HSF5: variants seen among roughly 807,000 people sequenced by gnomAD.
The protein encoded by HSF5 is heat shock transcription factor 5.
Under a neutral mutation model 50.8 loss-of-function variants are expected in HSF5, and 5 were observed. That is an observed-to-expected ratio of 0.10 (90% CI 0.05 to 0.21). The LOEUF (loss-of-function observed/expected upper bound fraction) is 0.21, where lower values mean the gene tolerates loss of function less well. HSF5 is among the 10% of genes least tolerant of loss of function. The pLI is 1.00. For synonymous variants in HSF5, 307 were observed against 307.4 expected, an observed-to-expected ratio of 1.00 and a Z score of 0.02; for missense variants, 564 against 762.6, an observed-to-expected ratio of 0.74 and a Z score of 3.07.
At chr17:58,438,476 C>A (rs1032652353) in intron 5 of HSF5, among the ~76,000 whole-genome samples, 1 of 152,036 alleles carries the variant, frequency 6.6e-6, no homozygotes, top group Non-Finnish European at 1.5e-5. Flanking sequence ...AGTCAGGCAG[C>A]ACATGGTTAG....
chr17:58,422,905 A>G (rs945873778), intron 5 of HSF5, among the ~76,000 whole-genome samples: 12 of 152,108 alleles, frequency 7.9e-5, no homozygotes, highest in Non-Finnish European at 1.3e-4. Flanking sequence ...CATGTTGGCC[A>G]GGCTGGTCTC....
intron 2 of HSF5, 127 bp downstream of exon 2, chr17:58,479,766 A>G: frequency 1.3e-6 from 1 of 777,358 alleles, no homozygotes; most frequent in Non-Finnish European, 2.0e-6. Context: ...AATCTTTGCC[A>G]TTTCTTAGGT....
intron 2 of HSF5, 103 bp downstream of exon 2, chr17:58,479,790 G>T: frequency 9.9e-7 from 1 of 1,005,694 alleles, no homozygotes; most frequent in Non-Finnish European, 1.4e-6. Context: ...CATTCCTACT[G>T]TTTGTGTTAA....
At chr17:58,456,243 T>C (rs1974712268) in intron 5 of HSF5, among the ~76,000 whole-genome samples, 1 of 151,210 alleles carries the variant, frequency 6.6e-6, no homozygotes, top group Non-Finnish European at 1.5e-5. Context: ...TAAAACAGAA[T>C]GAAATCTTGT....
chr17:58,461,137 C>A (rs1974788487), intron 4 of HSF5, among the ~76,000 whole-genome samples: 1 of 151,702 alleles, frequency 6.6e-6, no homozygotes, highest in Admixed American at 6.6e-5. Flanking sequence ...TTCCTTGAAC[C>A]CAGGAGGTGG....
intron 5 of HSF5, among the ~76,000 whole-genome samples, chr17:58,424,097 T>C (rs184678119): frequency 1.4e-4 from 22 of 152,290 alleles, no homozygotes; most frequent in East Asian, 3.9e-4. Context: ...AACCTAGCCA[T>C]ATAGAACAAG....
intron 2 of HSF5, chr17:58,476,367 A>G: frequency 9.2e-7 from 1 of 1,088,382 alleles, no homozygotes; most frequent in Non-Finnish European, 1.4e-6. Context: ...CAGAATGGTC[A>G]GTAAATCAGG....
At position 58,487,968 on chromosome 17, in the gene HSF5, C is replaced by T. The variant is rs1392309808; in HGVS notation, c.307G>A (p.Ala103Thr). 1.2e-6 allele frequency: 2 copies of T among 1,611,080 alleles called. No individual in the cohort carries two copies. Among genetic ancestry groups the T allele is most frequent in the African/African-American group, 1.3e-5 (1 of 74,750 alleles). The change falls in exon 1 of 6, where the codon GCA becomes ACA. Residue 103 changes from alanine to threonine, a missense_variant. Physicochemically the swap from Ala to Thr is moderately conservative, Grantham distance 58. This residue lies in a region of HSF5 where 29 missense variants were observed against 24.7 expected (regional missense o/e 1.18). Transcript: ENST00000323777. ...VLGGPGGGKP[A>T]GNGPLHHFHN... ...AAGTGATGGAGCGGCCCATTGCCTG[C>T]CGGTTTGCCGCCCCCCGGCCCGCCC...
chr17:58,448,885 C>G (rs550483784), intron 5 of HSF5, among the ~76,000 whole-genome samples: 1 of 151,980 alleles, frequency 6.6e-6, no homozygotes, highest in East Asian at 1.9e-4. Context: ...ATAATAAATA[C>G]AAAAAGAAGA....
chr17:58,450,401 T>C (rs1338466359), intron 5 of HSF5, among the ~76,000 whole-genome samples: 1 of 138,600 alleles, frequency 7.2e-6, no homozygotes, highest in Admixed American at 7.2e-5. Flanking sequence ...TGGAGAAGAA[T>C]GTTCCATCTT....
At chr17:58,428,934 C>T (rs1305224342) in intron 5 of HSF5, among the ~76,000 whole-genome samples, 1 of 152,104 alleles carries the variant, frequency 6.6e-6, no homozygotes, top group Admixed American at 6.5e-5. Flanking sequence ...AACAAATACT[C>T]GTATATGCAT....
intron 2 of HSF5, chr17:58,476,276 T>C (rs1266912830): frequency 3.1e-6 from 3 of 966,062 alleles, no homozygotes; most frequent in Non-Finnish European, 4.9e-6. Context: ...TCATCATCCA[T>C]ATCAGGAACC....
rs1196247821 is a variant in HSF5 at position 58,480,284 on chromosome 17, G to A, written c.551-17C>T. 6.4e-7 allele frequency: 1 copy of A among 1,574,442 alleles called. No individual in the cohort carries two copies. Among genetic ancestry groups the A allele is most frequent in the Non-Finnish European group, 8.6e-7 (1 of 1,161,052 alleles). ...CCACTGGTCCTACATAAAAGAGGAA[G>A]AGCACATTTACTAATTTTGCATTAC... On this transcript the variant is annotated splice_polypyrimidine_tract_variant and intron_variant, in intron 1 of 5. Coordinates refer to ENST00000323777, the MANE Select transcript of HSF5 (RefSeq NM_001080439.3).
At chr17:58,441,405 T>C (rs1974496288) in intron 5 of HSF5, among the ~76,000 whole-genome samples, 1 of 152,082 alleles carries the variant, frequency 6.6e-6, no homozygotes, top group South Asian at 2.1e-4. Context: ...TAAATGTTAA[T>C]CTTAGAAAAG....
chr17:58,482,709 CAAAAAAAAAAAA>C (rs34783781), intron 1 of HSF5, among the ~76,000 whole-genome samples: 27 of 13,462 alleles, frequency 2.0e-3, no homozygotes, highest in African/African-American at 6.4e-3. Context: ...GACTCCATCT[CAAAAAAAAAAAA>C]AAAAAAAAAA....
chr17:58,479,065 A>C (rs1975064972), intron 2 of HSF5, among the ~76,000 whole-genome samples: 1 of 151,880 alleles, frequency 6.6e-6, no homozygotes, highest in African/African-American at 2.4e-5. Context: ...GCTACTCCCC[A>C]GTTCTTAGCT....
chr17:58,464,312 G>A (rs968167067), intron 3 of HSF5, among the ~76,000 whole-genome samples: 3 of 152,200 alleles, frequency 2.0e-5, no homozygotes, highest in Non-Finnish European at 4.4e-5. Context: ...ACCTTCAAAA[G>A]AGCCCTGTGA....
At chr17:58,455,510 C>G (rs1261015451) in intron 5 of HSF5, among the ~76,000 whole-genome samples, 1 of 151,798 alleles carries the variant, frequency 6.6e-6, no homozygotes, top group Admixed American at 6.6e-5. Context: ...TTCTGCATAG[C>G]AAAAGACACA....
chr17:58,439,147 T>C (rs151209027), intron 5 of HSF5, among the ~76,000 whole-genome samples: 15 of 150,042 alleles, frequency 1.0e-4, no homozygotes, highest in Non-Finnish European at 2.1e-4. Flanking sequence ...TAATAATAAA[T>C]AAAAAAAATT....
Sources: gnomAD v4.1 joint callset for allele counts (sites outside exome capture counted in the v4.1 genomes callset) on GRCh38, gnomAD v4.1.1 for gene constraint, gnomAD v4.1.1 regional missense constraint, MANE v1.5 for transcripts, NCBI Gene and HGNC (gene_info 2026-07-23, HGNC 2026-07-21) for gene names.